The following C10orf53 variants were observed in gnomAD, a reference collection of about 807,000 sequenced individuals.
C10orf53 encodes the protein UPF0728 protein C10orf53.
Under a neutral mutation model 9.4 loss-of-function variants are expected in C10orf53, and 8 were observed. The observed-to-expected ratio is 0.85, with a 90% CI of 0.50 to 1.53. The LOEUF (loss-of-function observed/expected upper bound fraction) is 1.53. C10orf53 is among the 40% of genes most tolerant of loss of function. The probability of loss-of-function intolerance (pLI) is 0.00; values close to 1 mark genes in which losing one functional copy is unlikely to be tolerated. For missense variants in C10orf53, 117 were observed against 117.8 expected (o/e 0.99, Z 0.03); for synonymous variants, 48 against 46.0 (o/e 1.04, Z -0.18).
chr10:49,681,893 T>A (rs556375911), intron 1 of C10orf53, among the ~76,000 whole-genome samples: 14 of 152,276 alleles, frequency 9.2e-5, no homozygotes, highest in Admixed American at 7.2e-4. Context: ...GGCTTCCATA[T>A]ATGAAGTTGG....
Position 49,690,341 on chromosome 10 carries a change from C to G in C10orf53, c.98-3433C>G, listed in dbSNP as rs1011625785. ...GCAAAGCAGGGAGCATCTGCACCCC[C>G]CCACAACTTTAGATCCAGCACTCAC... On this transcript the variant is annotated intron_variant, in intron 1 of 2. Transcript: ENST00000374111. Among the ~76,000 whole-genome samples, 15 of 152,244 alleles carry G rather than the reference C, an allele frequency of 9.9e-5. 1 individual carries two copies. The East Asian group carries it at 2.7e-3, about 27-fold the overall frequency.
chr10:49,681,221 G>A (rs1153784), intron 1 of C10orf53, among the ~76,000 whole-genome samples: 54,720 of 152,022 alleles, frequency 0.36, 10,682 homozygotes, highest in Non-Finnish European at 0.43. Flanking sequence ...TTGTTCTGGA[G>A]TTCAGAGAAA....
chr10:49,685,240 C>T (rs1840516277), intron 1 of C10orf53, among the ~76,000 whole-genome samples: 1 of 152,094 alleles, frequency 6.6e-6, no homozygotes, highest in Non-Finnish European at 1.5e-5. Flanking sequence ...GGTGAGTACC[C>T]ATACAACCCC....
intron 1 of C10orf53, among the ~76,000 whole-genome samples, chr10:49,691,239 C>T (rs1399518589): frequency 2.0e-5 from 3 of 152,228 alleles, no homozygotes; most frequent in Admixed American, 6.5e-5. Context: ...CTTAAGCCTG[C>T]ACTGGCCACC....
At chr10:49,693,556 G>A (rs910860236) in intron 1 of C10orf53, among the ~76,000 whole-genome samples, 14 of 152,180 alleles carry the variant, frequency 9.2e-5, no homozygotes, top group Admixed American at 1.3e-4. Flanking sequence ...AGGACAAACC[G>A]CAACTGAAAC....
At chr10:49,683,443 A>T (rs1290779934) in intron 1 of C10orf53, among the ~76,000 whole-genome samples, 1 of 152,132 alleles carries the variant, frequency 6.6e-6, no homozygotes, top group East Asian at 1.9e-4. Flanking sequence ...TAGATAAATG[A>T]TTTGCAAATA....
rs1170932489 is a variant in C10orf53, at chr10:49,694,794, A to G, written c.*192A>G. On this transcript the variant is annotated 3_prime_UTR_variant, in exon 3 of 3. Transcript: ENST00000374111. ...TGGCTGCACAGGAGCCCACAGAAAT[A>G]ATAAAAACCACATCATTTATAACAT... The G allele has an allele frequency of 2.1e-6, 3 of 1,398,000 alleles. No homozygotes were observed. The highest frequency in any genetic ancestry group is 2.8e-6 in the Non-Finnish European group (3 of 1,079,052). 86.6% of individuals were successfully genotyped at this position (1,398,000 alleles called of 1,614,324 possible).
chr10:49,700,187 C>T (rs1840670590), downstream of C10orf53, among the ~76,000 whole-genome samples: 1 of 152,194 alleles, frequency 6.6e-6, no homozygotes, highest in Non-Finnish European at 1.5e-5. Flanking sequence ...CATGGCAGTC[C>T]CTCGTCAGCG....
chr10:49,701,069 A>T (rs1260892394), downstream of C10orf53, among the ~76,000 whole-genome samples: 1 of 152,208 alleles, frequency 6.6e-6, no homozygotes, highest in Non-Finnish European at 1.5e-5. Context: ...ATTTATTAAA[A>T]TCTGCATTTA....
At chr10:49,683,899 A>G (rs1013269576) in intron 1 of C10orf53, among the ~76,000 whole-genome samples, 1 of 152,216 alleles carries the variant, frequency 6.6e-6, no homozygotes, top group Non-Finnish European at 1.5e-5. Context: ...CTCTGTCTAA[A>G]AAAAAGAAAG....
At chr10:49,691,977 A>C (rs1286912361) in intron 1 of C10orf53, among the ~76,000 whole-genome samples, 1 of 152,198 alleles carries the variant, frequency 6.6e-6, no homozygotes, top group Non-Finnish European at 1.5e-5. Flanking sequence ...TCTTCCTATC[A>C]AATTGAAGTC....
chr10:49,693,893 G>A lies in C10orf53; in HGVS notation c.217G>A (p.Gly73Arg), dbSNP rs777858798. The change falls in exon 2 of 3, where the codon GGA becomes AGA. Residue 73 changes from glycine to arginine, a missense_variant and splice_region_variant. Coordinates refer to ENST00000374111, the MANE Select transcript of C10orf53 (RefSeq NM_001042427.3). ...FHCNIKDLEF[G>R]GDGKLDPLCE... ...CTGCAACATTAAGGACTTGGAGTTC[G>A]GTAAGCCCTTTGGCGATGCTTCCAG... 22 of 1,614,242 alleles carry A rather than the reference G, an allele frequency of 1.4e-5. No homozygotes were observed. Among genetic ancestry groups the A allele is most frequent in the South Asian group, 6.6e-5 (6 of 91,086 alleles).
chr10:49,692,611 A>G (rs1840595353), intron 1 of C10orf53, among the ~76,000 whole-genome samples: 1 of 152,212 alleles, frequency 6.6e-6, no homozygotes, highest in African/African-American at 2.4e-5. Flanking sequence ...TCTCACCAAC[A>G]TATGAAGACC....
rs1256046080 is a variant in C10orf53 at position 49,694,718 on chromosome 10, C to T, written c.*116C>T. 6.5e-7 allele frequency: 1 copy of T among 1,533,234 alleles called. No individual in the cohort carries two copies. The highest frequency in any genetic ancestry group is 8.8e-7 in the Non-Finnish European group (1 of 1,138,670). 95.0% of individuals were successfully genotyped at this position (1,533,234 alleles called of 1,614,324 possible). On this transcript the variant is annotated 3_prime_UTR_variant, in exon 3 of 3. Coordinates refer to ENST00000374111, the MANE Select transcript of C10orf53 (RefSeq NM_001042427.3). ...GGACACTGGGCTCTGCTAGTCAGAA[C>T]AGGGCAACTCGGGCCTGACCTCCAG...
At chr10:49,708,604 C>T (rs1840739975) in exon 3 of C10orf53, 2 of 1,614,148 alleles carry the variant, frequency 1.2e-6, no homozygotes, top group South Asian at 1.1e-5. Flanking sequence ...AAGAGGGGAA[C>T]TCAGCCCTAC....
intron 1 of C10orf53, among the ~76,000 whole-genome samples, chr10:49,684,872 G>T (rs534734140): frequency 6.6e-6 from 1 of 152,134 alleles, no homozygotes; most frequent in East Asian, 1.9e-4. Flanking sequence ...TATCTGGCTG[G>T]TACTCCTAAT....
intron 2 of C10orf53, among the ~76,000 whole-genome samples, chr10:49,706,609 C>CT (rs543579131): frequency 1.4e-4 from 21 of 148,506 alleles, no homozygotes; most frequent in Admixed American, 3.4e-4. Context: ...TAAGGTGTTT[C>CT]TTTTTTTTTT....
chr10:49,701,769 G>A (rs1396361623), downstream of C10orf53, among the ~76,000 whole-genome samples: 5 of 151,926 alleles, frequency 3.3e-5, no homozygotes, highest in East Asian at 7.8e-4. Flanking sequence ...GTGGAGCATC[G>A]CATGCCAGCC....
chr10:49,697,424 C>T lies in C10orf53; in HGVS notation c.*2822C>T, dbSNP rs1024637012. 4.6e-5 allele frequency among the ~76,000 whole-genome samples: 7 copies of T among 152,184 alleles called. No homozygotes were observed. In the South Asian group the frequency reaches 6.2e-4, roughly 13 times the overall value. ...TGCTTCAACGTGCTAGACATTCGGG[C>T]GCCTTCATGCTTTTAAAATACCACT... On this transcript the variant is annotated 3_prime_UTR_variant, in exon 3 of 3. Coordinates refer to ENST00000374111, the MANE Select transcript of C10orf53 (RefSeq NM_001042427.3).
Sources: gnomAD v4.1 joint callset for allele counts (sites outside exome capture counted in the v4.1 genomes callset) on GRCh38, gnomAD v4.1.1 for gene constraint, MANE v1.5 for transcripts, NCBI Gene and HGNC (gene_info 2026-07-23, HGNC 2026-07-21) for gene names.